TENM3: variants seen among roughly 807,000 people sequenced by gnomAD.
The protein encoded by TENM3 is teneurin-3.
TENM3 carries 63 observed loss-of-function variants against 255.1 expected under a neutral mutation model. The ratio of observed to expected loss-of-function variants is 0.25; its 90% CI spans 0.20 to 0.30. The LOEUF (loss-of-function observed/expected upper bound fraction) is 0.30, where lower values mean the gene tolerates loss of function less well. Among genes scored for constraint, TENM3 ranks in the 10% least tolerant of loss-of-function variants. TENM3 has a pLI of 1.00. For missense variants in TENM3, 2,929 were observed against 3,461.1 expected, an observed-to-expected ratio of 0.85 and a Z score of 3.86; for synonymous variants, 1,306 against 1,322.3, an observed-to-expected ratio of 0.99 and a Z score of 0.27.
intron 1 of TENM3, among the ~76,000 whole-genome samples, chr4:182,181,384 G>A (rs891451329): frequency 3.9e-5 from 6 of 152,202 alleles, no homozygotes; most frequent in Non-Finnish European, 8.8e-5. Flanking sequence ...CCTCCCGTGG[G>A]AGGCTTTAGT....
chr4:182,395,662 T>G (rs945652640), intron 3 of TENM3, among the ~76,000 whole-genome samples: 1 of 152,198 alleles, frequency 6.6e-6, no homozygotes, highest in Admixed American at 6.5e-5. Flanking sequence ...GAAGGATAAA[T>G]GCATATGCTT....
At chr4:181,787,270 C>A in the TENM3 span, among the ~76,000 whole-genome samples, 1 of 151,360 alleles carries the variant, frequency 6.6e-6, no homozygotes, top group African/African-American at 2.4e-5. Context: ...AAATGATAAA[C>A]AAGACCTAAG....
the TENM3 span, among the ~76,000 whole-genome samples, chr4:181,733,209 A>G: frequency 6.6e-6 from 1 of 152,212 alleles, no homozygotes; most frequent in African/African-American, 2.4e-5. Flanking sequence ...AAGACAGATA[A>G]ATGAAGAAAG....
the TENM3 span, among the ~76,000 whole-genome samples, chr4:182,119,228 A>T: frequency 6.6e-6 from 1 of 152,180 alleles, no homozygotes; most frequent in East Asian, 1.9e-4. Flanking sequence ...GAACTTGTTA[A>T]GAAAAACAAA....
the TENM3 span, among the ~76,000 whole-genome samples, chr4:182,028,883 A>G: frequency 1.3e-5 from 2 of 152,164 alleles, no homozygotes; most frequent in East Asian, 3.8e-4. Context: ...TCCATGAGAA[A>G]GATCCATGTG....
chr4:182,410,319 G>A lies in TENM3; in HGVS notation c.511+63390G>A, dbSNP rs531341895. Reference sequence around the variant, plus strand: ...GTAATTTTCTGGTTCTGAAAATGGCGCAGCACATTCAGGAAGACTTTTTGC... The same window carrying A: ...GTAATTTTCTGGTTCTGAAAATGGCACAGCACATTCAGGAAGACTTTTTGC... On this transcript the variant is annotated intron_variant, in intron 3 of 27. Coordinates refer to ENST00000511685, the MANE Select transcript of TENM3 (RefSeq NM_001080477.4). Among the ~76,000 whole-genome samples the A allele has an allele frequency of 4.6e-5, 7 of 152,296 alleles. No individual in the cohort carries two copies. In the East Asian group the frequency reaches 5.8e-4, roughly 13 times the overall value.
At chr4:182,263,787 G>C (rs1267324447) in intron 1 of TENM3, among the ~76,000 whole-genome samples, 1 of 152,132 alleles carries the variant, frequency 6.6e-6, no homozygotes, top group Admixed American at 6.5e-5. Flanking sequence ...ACCACGTGTC[G>C]AAACTCTTAA....
chr4:181,560,012 T>G, the TENM3 span, among the ~76,000 whole-genome samples: 3 of 152,220 alleles, frequency 2.0e-5, no homozygotes, highest in African/African-American at 7.2e-5. Flanking sequence ...CAATGACATA[T>G]TTTAGCTTTT....
chr4:181,809,206 A>AAACAAACAAACACTTTC, the TENM3 span, among the ~76,000 whole-genome samples: 1 of 152,168 alleles, frequency 6.6e-6, no homozygotes, highest in South Asian at 2.1e-4. Context: ...ACAAACATAT[A>AAACAAACAAACACTTTC]CTTATAAGGA....
At chr4:182,616,186 CG>C (rs1749495871) in intron 4 of TENM3, among the ~76,000 whole-genome samples, 1 of 152,172 alleles carries the variant, frequency 6.6e-6, no homozygotes, top group South Asian at 2.1e-4. Context: ...CTACCAAAAC[CG>C]GCGCTTCCTT....
At chr4:182,726,506 A>G (rs1360991273) in intron 13 of TENM3, among the ~76,000 whole-genome samples, 1 of 152,162 alleles carries the variant, frequency 6.6e-6, no homozygotes, top group Non-Finnish European at 1.5e-5. Flanking sequence ...GCCTCACAGA[A>G]CAAGCCTGGT....
chr4:181,478,379 T>A, the TENM3 span, among the ~76,000 whole-genome samples: 1 of 152,188 alleles, frequency 6.6e-6, no homozygotes, highest in Non-Finnish European at 1.5e-5. Context: ...AACTCAGAAT[T>A]TCTTTGGTAA....
chr4:182,005,681 T>C, the TENM3 span, among the ~76,000 whole-genome samples: 4 of 152,234 alleles, frequency 2.6e-5, no homozygotes, highest in Admixed American at 2.6e-4. Context: ...TTTCATGATA[T>C]TGATTCTTCC....
chr4:181,969,347 T>G, the TENM3 span, among the ~76,000 whole-genome samples: 1 of 152,184 alleles, frequency 6.6e-6, no homozygotes, highest in Non-Finnish European at 1.5e-5. Context: ...AAAATTCTGA[T>G]TTAACCTCTT....
At chr4:181,920,482 A>C in the TENM3 span, among the ~76,000 whole-genome samples, 13 of 152,260 alleles carry the variant, frequency 8.5e-5, no homozygotes, top group Non-Finnish European at 1.6e-4. Flanking sequence ...CTCTGATGGC[A>C]AGTGATGGTG....
the TENM3 span, among the ~76,000 whole-genome samples, chr4:181,803,771 T>C: frequency 2.0e-5 from 3 of 151,264 alleles, no homozygotes; most frequent in African/African-American, 4.9e-5. Context: ...GTCCCTTAAA[T>C]TAAAAATGAA....
chr4:182,457,867 T>G (rs904280072), intron 3 of TENM3, among the ~76,000 whole-genome samples: 1 of 152,370 alleles, frequency 6.6e-6, no homozygotes, highest in Admixed American at 6.5e-5. Flanking sequence ...GGCCTGTCTT[T>G]CTTCATTACT....
intron 1 of TENM3, among the ~76,000 whole-genome samples, chr4:182,161,699 GTATATATATACATATATA>G (rs1751238895): frequency 2.2e-5 from 2 of 91,328 alleles, no homozygotes; most frequent in Admixed American, 1.5e-4. Flanking sequence ...AAATATATAT[GTATATATATACATATATA>G]TGTGTATATA....
At chr4:182,628,167 A>C (rs1348152412) in intron 4 of TENM3, among the ~76,000 whole-genome samples, 1 of 152,206 alleles carries the variant, frequency 6.6e-6, no homozygotes. Flanking sequence ...GACATCCAGA[A>C]AATAAATCAG....
Sources: allele counts gnomAD v4.1 joint callset (sites outside exome capture counted in the v4.1 genomes callset), GRCh38; gene constraint gnomAD v4.1.1; transcripts MANE v1.5; gene names NCBI Gene and HGNC (gene_info 2026-07-23, HGNC 2026-07-21).